The following IL23R variants were observed in gnomAD, a reference collection of about 807,000 sequenced individuals.
IL23R encodes the protein interleukin-23 receptor.
IL23R carries 34 observed loss-of-function variants against 56.9 expected under a neutral mutation model. The observed-to-expected ratio is 0.60, with a 90% CI of 0.45 to 0.80. IL23R has a LOEUF of 0.80. Ranked by LOEUF, IL23R falls within the 30% of genes least tolerant of loss-of-function variation. The pLI, the probability that IL23R is intolerant of heterozygous loss-of-function variation, is 0.00. For missense variants in IL23R, 635 were observed against 730.0 expected, an observed-to-expected ratio of 0.87 and a Z score of 1.50; for synonymous variants, 230 against 249.2, an observed-to-expected ratio of 0.92 and a Z score of 0.73.
At chr1:67,155,843 G>A (rs982524679) in intron 1 of IL23R, among the ~76,000 whole-genome samples, 21 of 152,284 alleles carry the variant, frequency 1.4e-4, no homozygotes, top group Middle Eastern at 3.4e-3. Flanking sequence ...CTGAAAAGGC[G>A]TTGTGATCAT....
At chr1:67,257,151 G>A (rs371211585) in intron 10 of IL23R, among the ~76,000 whole-genome samples, 3 of 152,218 alleles carry the variant, frequency 2.0e-5, no homozygotes, top group Middle Eastern at 3.4e-3. Context: ...CCTATTCTGG[G>A]CTCCTGGAAT....
intron 1 of IL23R, among the ~76,000 whole-genome samples, chr1:67,140,908 A>C (rs1266499382): frequency 2.0e-5 from 3 of 152,166 alleles, no homozygotes; most frequent in Admixed American, 6.5e-5. Context: ...AAATATTCTG[A>C]TCAAGATCAC....
chr1:67,225,406 G>A (rs142069286), intron 7 of IL23R, among the ~76,000 whole-genome samples: 6 of 152,156 alleles, frequency 3.9e-5, no homozygotes, highest in Non-Finnish European at 8.8e-5. Flanking sequence ...GCCAAGACAG[G>A]ACCATCATGG....
chr1:67,143,988 A>G lies in IL23R; in HGVS notation c.-634+4827A>G, dbSNP rs544393090. ...ACCCTTCTACCACTTGATGGCCCAT[A>G]CCAAAGTTTAGGTGCTTGAAACTAA... On this transcript the variant is annotated intron_variant, in intron 1 of 10. Coordinates refer to the IL23R transcript ENST00000637002. Among the ~76,000 whole-genome samples, 81 of 152,330 alleles carry G rather than the reference A, an allele frequency of 5.3e-4. No homozygotes were observed. The South Asian group carries it at 0.017, about 32-fold the overall frequency.
chr1:67,155,025 A>C (rs1469275837), intron 1 of IL23R, among the ~76,000 whole-genome samples: 2 of 152,094 alleles, frequency 1.3e-5, no homozygotes, highest in Admixed American at 6.6e-5. Context: ...TCTGGAAATG[A>C]TTTTATTTCC....
chr1:67,167,448 C>G (rs557597403), intron 1 of IL23R, among the ~76,000 whole-genome samples: 2 of 152,324 alleles, frequency 1.3e-5, no homozygotes, highest in East Asian at 3.9e-4. Context: ...AATTTTGAAT[C>G]CATTTTCTCT....
At chr1:67,204,064 C>CT (rs1051826971) in intron 5 of IL23R, among the ~76,000 whole-genome samples, 197 of 151,748 alleles carry the variant, frequency 1.3e-3, no homozygotes, top group African/African-American at 4.0e-3. Flanking sequence ...AAAATTGATA[C>CT]TTTTTTTTTC....
Position 67,169,360 on chromosome 1 carries a change from G to C in IL23R, c.89G>C (p.Cys30Ser). The change falls in exon 3 of 11, where the codon TGC becomes TCC. Residue 30 changes from cysteine to serine, a missense_variant. Transcript: ENST00000347310. ...TTTCTAGGAATTACAAATATAAACT[G>C]CTCTGGCCACATCTGGGTAGAACCA... is the stretch of plus-strand genomic sequence containing the variant. ...WCHGGITNIN[C>S]SGHIWVEPAT... 1 of 1,610,768 alleles carries C rather than the reference G, an allele frequency of 6.2e-7. No individual in the cohort carries two copies. Among genetic ancestry groups the C allele is most frequent in the Non-Finnish European group, 8.5e-7 (1 of 1,177,768 alleles).
At chr1:67,239,221 A>G (rs1651696267) in intron 8 of IL23R, among the ~76,000 whole-genome samples, 1 of 152,094 alleles carries the variant, frequency 6.6e-6, no homozygotes. Flanking sequence ...ATTTTAGGAG[A>G]TTAACTCAAC....
chr1:67,191,661 T>C (rs1558236322), intron 4 of IL23R, among the ~76,000 whole-genome samples: 2 of 152,208 alleles, frequency 1.3e-5, no homozygotes, highest in Admixed American at 1.3e-4. Flanking sequence ...ATTTTCTCTC[T>C]TCTCTTTTAT....
At chr1:67,262,423 C>T (rs572098017), downstream of IL23R, among the ~76,000 whole-genome samples, 4 of 152,220 alleles carry the variant, frequency 2.6e-5, no homozygotes, top group Admixed American at 6.5e-5. Context: ...GATAGCAAAT[C>T]GGTGGCCACT....
intron 9 of IL23R, among the ~76,000 whole-genome samples, chr1:67,255,100 G>A (rs1218730489): frequency 6.6e-6 from 1 of 152,180 alleles, no homozygotes; most frequent in Non-Finnish European, 1.5e-5. Flanking sequence ...AAATTTTAGG[G>A]CTTTATTATA....
At chr1:67,181,560 TC>T (rs1558231880) in intron 3 of IL23R, among the ~76,000 whole-genome samples, 1 of 152,210 alleles carries the variant, frequency 6.6e-6, no homozygotes, top group African/African-American at 2.4e-5. Flanking sequence ...GTTTTTAACT[TC>T]TTTGCCATGG....
intron 6 of IL23R, among the ~76,000 whole-genome samples, chr1:67,215,037 T>C (rs1008862722): frequency 5.9e-5 from 9 of 152,238 alleles, no homozygotes; most frequent in African/African-American, 2.2e-4. Context: ...ACCGCCTGCT[T>C]GCTCAAATCA....
At chr1:67,208,109 C>T (rs145406011) in intron 6 of IL23R, among the ~76,000 whole-genome samples, 2 of 152,198 alleles carry the variant, frequency 1.3e-5, no homozygotes, top group East Asian at 3.9e-4. Context: ...ACTTTGAACT[C>T]GAAAGATGAT....
At chr1:67,153,837 C>G (rs1392750333) in intron 1 of IL23R, among the ~76,000 whole-genome samples, 1 of 151,962 alleles carries the variant, frequency 6.6e-6, no homozygotes, top group East Asian at 1.9e-4. Flanking sequence ...GCAATTTCGG[C>G]TCACTGCAAG....
At position 67,201,484 on chromosome 1, in the gene IL23R, A is replaced by G. The variant is rs751881902; in HGVS notation, c.652+587A>G. ...ACTTCTTATTTTCAAGCATTGTTCT[A>G]AAGGCTAGAGTGAATAAGATAGACA... On this transcript the variant is annotated intron_variant, in intron 5 of 10. Coordinates refer to ENST00000347310, the MANE Select transcript of IL23R (RefSeq NM_144701.3). Among the ~76,000 whole-genome samples the G allele has an allele frequency of 2.7e-4, 41 of 151,866 alleles. 1 individual carries two copies. The highest frequency in any genetic ancestry group is 1.8e-4 in the Non-Finnish European group (12 of 67,948).
rs918281655 is a variant in IL23R at position 67,219,675 on chromosome 1, C to T, written c.900C>T (p.Gly300=). The change falls in exon 7 of 11, where the codon GGC becomes GGT. Residue 300 remains glycine (G), a synonymous_variant. Transcript: ENST00000347310. ...TTCAAGTGAGATGTCAAGAAACAGG[C>T]AAAAGGTACTGGCAGCCTTGGAGTT... is the stretch of plus-strand genomic sequence containing the variant. ...YVFQVRCQET[G]KRYWQPWSSL... 1.5e-5 allele frequency: 24 copies of T among 1,613,816 alleles called. No homozygotes were observed. The highest frequency in any genetic ancestry group is 1.6e-4 in the Middle Eastern group (1 of 6,082).
At chr1:67,227,664 G>C (rs1650709166) in intron 7 of IL23R, among the ~76,000 whole-genome samples, 1 of 152,174 alleles carries the variant, frequency 6.6e-6, no homozygotes, top group Non-Finnish European at 1.5e-5. Context: ...ATGGCACACA[G>C]AATGTATTTT....
Sources: allele counts gnomAD v4.1 joint callset (sites outside exome capture counted in the v4.1 genomes callset), GRCh38; gene constraint gnomAD v4.1.1; transcripts MANE v1.5; gene names NCBI Gene and HGNC (gene_info 2026-07-23, HGNC 2026-07-21).